Variants in WASF3 observed in about 807,000 individuals in gnomAD.
WASF3 encodes actin-binding protein WASF3.
A neutral mutation model predicts 46.6 loss-of-function variants in WASF3; 11 were observed. That is an observed-to-expected ratio of 0.24 (90% confidence interval 0.15 to 0.39). The LOEUF (loss-of-function observed/expected upper bound fraction) is 0.39, where lower values mean the gene tolerates loss of function less well. Ranked by LOEUF, WASF3 falls within the 10% of genes least tolerant of loss-of-function variation. The pLI, the probability that WASF3 is intolerant of heterozygous loss-of-function variation, is 1.00. For missense variants in WASF3, 576 were observed against 669.8 expected, an observed-to-expected ratio of 0.86 and a Z score of 1.55; for synonymous variants, 242 against 259.7, an observed-to-expected ratio of 0.93 and a Z score of 0.65.
At chr13:26,609,083 A>G (rs938696648) in intron 1 of WASF3, among the ~76,000 whole-genome samples, 2 of 152,214 alleles carry the variant, frequency 1.3e-5, no homozygotes, top group African/African-American at 4.8e-5. Flanking sequence ...AAAATAGTAA[A>G]TCCAAATACA....
chr13:26,658,511 A>G (rs755847940), intron 3 of WASF3, among the ~76,000 whole-genome samples: 3 of 152,238 alleles, frequency 2.0e-5, no homozygotes, highest in Admixed American at 6.5e-5. Flanking sequence ...TTGCCAGTGC[A>G]CATTAGCTTA....
In WASF3 at chr13:26,611,637, A is replaced by G. The variant is rs551003465; in HGVS notation, c.-108-1324A>G. ...AATTAGGCCTGGGTAATCTAAACCC[A>G]GGGATAATTTTCTGTATTTGGAAAT... On this transcript the variant is annotated intron_variant, in intron 1 of 9. Transcript: ENST00000335327. Among the ~76,000 whole-genome samples, 5 of 152,280 alleles carry G rather than the reference A, an allele frequency of 3.3e-5. No individual in the cohort carries two copies. The East Asian group carries it at 9.6e-4, about 29-fold the overall frequency.
intron 5 of WASF3, among the ~76,000 whole-genome samples, chr13:26,670,406 T>A (rs1882896591): frequency 6.6e-6 from 1 of 152,060 alleles, no homozygotes; most frequent in African/African-American, 2.4e-5. Flanking sequence ...AGATGACAGG[T>A]TGATGGGTGC....
chr13:26,630,622 G>A (rs1157838928), intron 2 of WASF3, among the ~76,000 whole-genome samples: 1 of 152,156 alleles, frequency 6.6e-6, no homozygotes, highest in Non-Finnish European at 1.5e-5. Context: ...GTAAACATAC[G>A]TGTACATGTG....
At chr13:26,602,308 G>A (rs1880665395) in intron 1 of WASF3, among the ~76,000 whole-genome samples, 1 of 152,190 alleles carries the variant, frequency 6.6e-6, no homozygotes, top group Non-Finnish European at 1.5e-5. Context: ...ATTGGAGATA[G>A]AATTTGATGC....
At chr13:26,605,688 A>G (rs920901321) in intron 1 of WASF3, among the ~76,000 whole-genome samples, 1 of 152,222 alleles carries the variant, frequency 6.6e-6, no homozygotes, top group African/African-American at 2.4e-5. Flanking sequence ...TCTACTGTGA[A>G]CATTAAAAAA....
At chr13:26,558,566 T>C (rs1259482644) in intron 1 of WASF3, among the ~76,000 whole-genome samples, 1 of 150,744 alleles carries the variant, frequency 6.6e-6, no homozygotes. Flanking sequence ...TCTCAGTTTG[T>C]GGTGCTGACG....
chr13:26,627,046 A>T (rs1017230580), intron 2 of WASF3, among the ~76,000 whole-genome samples: 2 of 152,184 alleles, frequency 1.3e-5, no homozygotes, highest in Non-Finnish European at 2.9e-5. Flanking sequence ...CATTGATATG[A>T]TTTTGAAATT....
At chr13:26,614,365 A>G (rs1881070779) in intron 2 of WASF3, among the ~76,000 whole-genome samples, 3 of 152,234 alleles carry the variant, frequency 2.0e-5, no homozygotes, top group South Asian at 2.1e-4. Context: ...CACATACCCA[A>G]GAAATTCCAA....
At chr13:26,554,096 C>CTTCTTTCTTTCTTTCTTTCTTTCTTTCT (rs57590764), upstream of WASF3, among the ~76,000 whole-genome samples, 19 of 7,384 alleles carry the variant, frequency 2.6e-3, 1 homozygote, top group African/African-American at 3.4e-3. Flanking sequence ...TCCTTCCTTC[C>CTTCTTTCTTTCTTTCTTTCTTTCTTTCT]TTCTTTCTTT....
At chr13:26,683,198 C>T (rs998568480) in intron 9 of WASF3, among the ~76,000 whole-genome samples, 5 of 152,100 alleles carry the variant, frequency 3.3e-5, no homozygotes, top group African/African-American at 1.2e-4. Flanking sequence ...CAGCCGGGCG[C>T]GGTGGGCTCA....
At chr13:26,550,341 C>T in the WASF3 span, among the ~76,000 whole-genome samples, 4 of 152,078 alleles carry the variant, frequency 2.6e-5, no homozygotes, top group South Asian at 6.2e-4. Context: ...CAGATAACTC[C>T]CTTCGTTGTT....
At chr13:26,634,122 A>G (rs1284240599) in intron 2 of WASF3, among the ~76,000 whole-genome samples, 1 of 152,174 alleles carries the variant, frequency 6.6e-6, no homozygotes, top group African/African-American at 2.4e-5. Context: ...GTGGGAGTCT[A>G]AGTCTCCTTG....
intron 5 of WASF3, among the ~76,000 whole-genome samples, chr13:26,668,357 C>T (rs1303282505): frequency 2.0e-5 from 3 of 152,244 alleles, no homozygotes; most frequent in African/African-American, 7.2e-5. Context: ...CACACACTGT[C>T]TCTCCATCCC....
At chr13:26,572,402 G>T (rs948597888) in intron 1 of WASF3, among the ~76,000 whole-genome samples, 6 of 151,990 alleles carry the variant, frequency 3.9e-5, no homozygotes, top group Non-Finnish European at 8.8e-5. Context: ...GAAAGTATGC[G>T]TCTACTCCTA....
intron 1 of WASF3, among the ~76,000 whole-genome samples, chr13:26,567,831 A>G (rs1879516563): frequency 6.6e-6 from 1 of 152,078 alleles, no homozygotes; most frequent in Admixed American, 6.6e-5. Flanking sequence ...GTGTGTATAT[A>G]TATATAAAGA....
At chr13:26,681,601 G>T (rs951847958) in intron 8 of WASF3, among the ~76,000 whole-genome samples, 1 of 152,106 alleles carries the variant, frequency 6.6e-6, no homozygotes, top group African/African-American at 2.4e-5. Context: ...CATTGATAAA[G>T]GGTATTAAGT....
the WASF3 span, among the ~76,000 whole-genome samples, chr13:26,543,182 G>A: frequency 6.6e-6 from 1 of 152,134 alleles, no homozygotes; most frequent in Non-Finnish European, 1.5e-5. Flanking sequence ...GTGTCTGCCT[G>A]GACTCTGATC....
At chr13:26,672,407 G>A (rs1882947612) in intron 6 of WASF3, among the ~76,000 whole-genome samples, 1 of 152,158 alleles carries the variant, frequency 6.6e-6, no homozygotes, top group Non-Finnish European at 1.5e-5. Flanking sequence ...TGTTCACATG[G>A]GATTGAGAAG....
Sources: allele counts gnomAD v4.1 joint callset (sites outside exome capture counted in the v4.1 genomes callset), GRCh38; gene constraint gnomAD v4.1.1; transcripts MANE v1.5; gene names NCBI Gene and HGNC (gene_info 2026-07-23, HGNC 2026-07-21).